Variants in VOPP1 observed in about 807,000 individuals in gnomAD.
VOPP1 encodes the protein VOPP1 WW domain binding protein.
Under a neutral mutation model 23.5 loss-of-function variants are expected in VOPP1, and 8 were observed. The observed-to-expected ratio is 0.34, with a 90% CI of 0.20 to 0.61. The LOEUF is 0.61. VOPP1 is among the 20% of genes least tolerant of loss of function. The pLI is 0.78. For missense variants in VOPP1, 174 were observed against 238.1 expected, an observed-to-expected ratio of 0.73 and a Z score of 1.77; for synonymous variants, 83 against 97.3, an observed-to-expected ratio of 0.85 and a Z score of 0.86.
Position 55,471,731 on chromosome 7 carries a change from GACA to G in VOPP1, c.*1121_*1123del, listed in dbSNP as rs1419896159. The G allele has an allele frequency of 2.0e-5, 3 of 151,834 alleles. No individual in the cohort carries two copies. Among genetic ancestry groups the G allele is most frequent in the Non-Finnish European group, 4.4e-5 (3 of 67,982 alleles). 9.4% of individuals were successfully genotyped at this position (151,834 alleles called of 1,614,324 possible). A position where few individuals can be genotyped will look rare whatever the true frequency, so the allele number is the denominator to read the frequency against. On this transcript the variant is annotated 3_prime_UTR_variant, in exon 5 of 5. Coordinates refer to ENST00000285279, the MANE Select transcript of VOPP1 (RefSeq NM_030796.5). ...ACCACTTCTTCTTTATTCTAATTATGACAACATGGTCAGTGCAGTTGAGTCAGT... is the reference window on the plus strand; with the variant it reads ...ACCACTTCTTCTTTATTCTAATTATGACATGGTCAGTGCAGTTGAGTCAGT...
At chr7:55,521,471 CAA>C in intron 1 of VOPP1, 1 of 910,628 alleles carries the variant, frequency 1.1e-6, no homozygotes, top group Non-Finnish European at 1.4e-6. Context: ...TAAAGCACTG[CAA>C]AGATTGCCAC....
intron 4 of VOPP1, among the ~76,000 whole-genome samples, chr7:55,489,635 C>A (rs1316372437): frequency 6.6e-6 from 1 of 152,162 alleles, no homozygotes; most frequent in East Asian, 1.9e-4. Flanking sequence ...GGCGCCTCAG[C>A]AGGTGTGCAG....
chr7:55,498,081 G>A (rs1583924885), intron 2 of VOPP1, among the ~76,000 whole-genome samples: 1 of 152,338 alleles, frequency 6.6e-6, no homozygotes, highest in African/African-American at 2.4e-5. Context: ...TTCAGTCCCC[G>A]ACTACGGGGA....
At chr7:55,535,940 G>A (rs1348947020) in intron 1 of VOPP1, among the ~76,000 whole-genome samples, 5 of 152,182 alleles carry the variant, frequency 3.3e-5, no homozygotes, top group African/African-American at 9.6e-5. Context: ...CCTTGATGAC[G>A]ACCGACTCTT....
intron 2 of VOPP1, among the ~76,000 whole-genome samples, chr7:55,508,575 GA>G (rs1794877317): frequency 6.6e-6 from 1 of 152,138 alleles, no homozygotes; most frequent in Non-Finnish European, 1.5e-5. Context: ...CAGAGTTTTT[GA>G]AACTCCACCT....
intron 1 of VOPP1, among the ~76,000 whole-genome samples, chr7:55,550,562 CCAAAA>C: frequency 1.3e-5 from 2 of 152,234 alleles, no homozygotes; most frequent in Middle Eastern, 6.8e-3. Flanking sequence ...TTAAAAAAGT[CCAAAA>C]TGTACAAAGA....
At chr7:55,549,062 A>G (rs1797488852) in intron 1 of VOPP1, among the ~76,000 whole-genome samples, 1 of 152,200 alleles carries the variant, frequency 6.6e-6, no homozygotes, top group Non-Finnish European at 1.5e-5. Context: ...AAAAACAGGT[A>G]GGGGCGTGTC....
At chr7:55,489,112 C>G (rs1446819537) in intron 4 of VOPP1, among the ~76,000 whole-genome samples, 1 of 152,232 alleles carries the variant, frequency 6.6e-6, no homozygotes, top group Non-Finnish European at 1.5e-5. Context: ...CTTTTGTTCA[C>G]TATTACTCTG....
At chr7:55,559,640 G>C (rs1445852917) in intron 1 of VOPP1, among the ~76,000 whole-genome samples, 1 of 152,222 alleles carries the variant, frequency 6.6e-6, no homozygotes, top group Non-Finnish European at 1.5e-5. Flanking sequence ...AGTCAGAGAT[G>C]AATCTCAGCT....
At chr7:55,515,512 G>A (rs1304299314) in intron 2 of VOPP1, among the ~76,000 whole-genome samples, 2 of 152,230 alleles carry the variant, frequency 1.3e-5, no homozygotes, top group Non-Finnish European at 2.9e-5. Flanking sequence ...ATATTAGGGA[G>A]AATACAGGCA....
chr7:55,554,453 G>A (rs1178019198), intron 1 of VOPP1, among the ~76,000 whole-genome samples: 1 of 152,264 alleles, frequency 6.6e-6, no homozygotes, highest in African/African-American at 2.4e-5. Context: ...CACATGGGCA[G>A]AATGGAGAAG....
At chr7:55,461,990 T>C (rs1283369371) in intron 4 of VOPP1, among the ~76,000 whole-genome samples, 1 of 152,234 alleles carries the variant, frequency 6.6e-6, no homozygotes. Flanking sequence ...CTTTCAGATG[T>C]AGAACATGTT....
At chr7:55,566,923 C>T (rs1798181334) in intron 1 of VOPP1, among the ~76,000 whole-genome samples, 1 of 152,192 alleles carries the variant, frequency 6.6e-6, no homozygotes, top group Non-Finnish European at 1.5e-5. Flanking sequence ...AGACTGAGGG[C>T]CTGTCATTGT....
chr7:55,538,813 C>CT (rs974234936), intron 1 of VOPP1: 7 of 138,042 alleles, frequency 5.1e-5, no homozygotes, highest in African/African-American at 2.1e-4. Flanking sequence ...AGCAACATTT[C>CT]TTAAAAAAAA....
intron 4 of VOPP1, among the ~76,000 whole-genome samples, chr7:55,451,049 A>G (rs1051739275): frequency 3.9e-5 from 6 of 152,244 alleles, no homozygotes; most frequent in African/African-American, 1.4e-4. Context: ...CAGGGCTGGC[A>G]TCAGAGGGAG....
intron 1 of VOPP1, among the ~76,000 whole-genome samples, chr7:55,522,512 A>T (rs1485781641): frequency 1.3e-5 from 2 of 152,224 alleles, no homozygotes; most frequent in Non-Finnish European, 2.9e-5. Flanking sequence ...CCCAAATTAT[A>T]ATTCATTTCA....
rs191273457 is a variant in VOPP1 at position 55,564,184 on chromosome 7, T to C, written c.54+8087A>G. ...CCAACTAAAGGGAAGGAGGGGGAAC[T>C]AGGAACTAGGAGCTTCTTCAATAAT... On this transcript the variant is annotated intron_variant, in intron 1 of 4. Coordinates refer to ENST00000285279, the MANE Select transcript of VOPP1 (RefSeq NM_030796.5). Among the ~76,000 whole-genome samples the C allele has an allele frequency of 2.6e-5, 4 of 151,902 alleles. No homozygotes were observed. The East Asian group carries it at 7.8e-4, about 29-fold the overall frequency.
intron 4 of VOPP1, among the ~76,000 whole-genome samples, chr7:55,488,923 G>A (rs568221485): frequency 2.0e-5 from 3 of 152,312 alleles, no homozygotes; most frequent in South Asian, 2.1e-4. Context: ...GGGATTCCTC[G>A]GCTCCTCTCT....
intron 1 of VOPP1, among the ~76,000 whole-genome samples, chr7:55,548,350 A>G (rs570519059): frequency 1.8e-4 from 28 of 152,336 alleles, no homozygotes; most frequent in African/African-American, 6.7e-4. Context: ...AGCAGACCCC[A>G]ATGACTAATT....
Sources: allele counts gnomAD v4.1 joint callset (sites outside exome capture counted in the v4.1 genomes callset), GRCh38; gene constraint gnomAD v4.1.1; transcripts MANE v1.5; gene names NCBI Gene and HGNC (gene_info 2026-07-23, HGNC 2026-07-21).